The following ZNF618 variants were observed in gnomAD, a reference collection of about 807,000 sequenced individuals.
The protein encoded by ZNF618 is neural precursor cell expressed, developmentally down-regulated 10.
A neutral mutation model predicts 103.0 loss-of-function variants in ZNF618; 34 were observed. The observed-to-expected ratio is 0.33, with a 90% CI of 0.25 to 0.44. ZNF618 has a LOEUF of 0.44. ZNF618 is among the 20% of genes least tolerant of loss of function. The pLI is 1.00. For missense variants in ZNF618, 1,059 were observed against 1,295.4 expected (o/e 0.82, Z 2.80); for synonymous variants, 551 against 542.2 (o/e 1.02, Z -0.23).
At chr9:113,968,465 C>G (rs1048639339) in intron 1 of ZNF618, among the ~76,000 whole-genome samples, 1 of 152,128 alleles carries the variant, frequency 6.6e-6, no homozygotes, top group African/African-American at 2.4e-5. Flanking sequence ...CTCTGTCAGC[C>G]TCTGCATTGA....
At chr9:113,949,841 T>A (rs1269067486) in intron 1 of ZNF618, among the ~76,000 whole-genome samples, 1 of 152,214 alleles carries the variant, frequency 6.6e-6, no homozygotes, top group South Asian at 2.1e-4. Context: ...AAAATCAATT[T>A]CCAGCGAAGT....
chr9:113,893,806 T>C (rs1829812520), intron 1 of ZNF618, among the ~76,000 whole-genome samples: 1 of 152,178 alleles, frequency 6.6e-6, no homozygotes, highest in Admixed American at 6.5e-5. Context: ...TTTGATACAG[T>C]CCCAACGAGA....
intron 1 of ZNF618, among the ~76,000 whole-genome samples, chr9:113,967,886 G>T (rs1172821426): frequency 6.6e-6 from 1 of 152,082 alleles, no homozygotes; most frequent in African/African-American, 2.4e-5. Flanking sequence ...AGGTATCATG[G>T]GGTTATCCAG....
At chr9:113,917,636 G>A (rs1450986509) in intron 1 of ZNF618, among the ~76,000 whole-genome samples, 1 of 151,900 alleles carries the variant, frequency 6.6e-6, no homozygotes, top group Non-Finnish European at 1.5e-5. Flanking sequence ...TCATAGTACT[G>A]GTAATCATCT....
At chr9:113,905,134 G>C (rs1830876270) in intron 1 of ZNF618, among the ~76,000 whole-genome samples, 1 of 152,060 alleles carries the variant, frequency 6.6e-6, no homozygotes. Flanking sequence ...CAGTGGCATA[G>C]TCTTGGCTTA....
chr9:113,906,167 G>A (rs1458463150), intron 1 of ZNF618, among the ~76,000 whole-genome samples: 1 of 152,056 alleles, frequency 6.6e-6, no homozygotes, highest in Non-Finnish European at 1.5e-5. Context: ...GGCATTGTGG[G>A]GTCATAGACT....
Position 114,044,935 on chromosome 9 carries a change from C to T in ZNF618, c.1247-2958C>T, listed in dbSNP as rs142994739. Among the ~76,000 whole-genome samples, 424 of 152,070 alleles carry T rather than the reference C, an allele frequency of 2.8e-3. 1 individual carries two copies. Among genetic ancestry groups the T allele is most frequent in the African/African-American group, 9.8e-3 (405 of 41,484 alleles). On this transcript the variant is annotated intron_variant, in intron 13 of 14. Transcript: ENST00000374126. ...GATTTGTGTACATTGATTTTGTATC[C>T]TGAAACTTTACTGAATTCATTAATC...
chr9:113,916,531 G>T (rs1191614425), intron 1 of ZNF618, among the ~76,000 whole-genome samples: 1 of 152,192 alleles, frequency 6.6e-6, no homozygotes, highest in Non-Finnish European at 1.5e-5. Flanking sequence ...GAGCTGTCCC[G>T]TGGAAAGGGA....
chr9:113,988,725 T>A (rs1886129), intron 3 of ZNF618, 145 bp downstream of exon 3: 2 of 1,253,372 alleles, frequency 1.6e-6, no homozygotes, highest in East Asian at 2.6e-5. Context: ...GGGAGAGATC[T>A]CAGCTTCTTA....
intron 14 of ZNF618, 38 bp downstream of exon 14, chr9:114,048,032 C>T (rs146111883): frequency 2.0e-6 from 3 of 1,511,654 alleles, no homozygotes; most frequent in Non-Finnish European, 2.7e-6. Flanking sequence ...TGAGGGTCCC[C>T]TTATGCTCCA....
At chr9:113,879,480 G>A (rs934165963) in intron 1 of ZNF618, among the ~76,000 whole-genome samples, 11 of 149,974 alleles carry the variant, frequency 7.3e-5, no homozygotes, top group African/African-American at 9.8e-5. Context: ...TATTGGGGGC[G>A]GGGCCAGTTT....
chr9:114,018,515 G>A (rs935438484), intron 10 of ZNF618, among the ~76,000 whole-genome samples: 9 of 152,208 alleles, frequency 5.9e-5, no homozygotes, highest in Non-Finnish European at 1.3e-4. Context: ...GTGCTTCCTG[G>A]GACAAGTTGA....
chr9:113,876,828 C>T (rs1490447049), intron 1 of ZNF618, among the ~76,000 whole-genome samples: 3 of 150,504 alleles, frequency 2.0e-5, no homozygotes, highest in African/African-American at 7.3e-5. Flanking sequence ...CCCGATGACC[C>T]CCCGGGAGGT....
In ZNF618 at chr9:114,033,472, A is replaced by G. The variant is rs141401837; in HGVS notation, c.1168+744A>G. On this transcript the variant is annotated intron_variant, in intron 12 of 14. Coordinates refer to ENST00000374126, the MANE Select transcript of ZNF618 (RefSeq NM_001318042.2). ...CTGGTCTCATTTTGGCCCTGGAGCC[A>G]CTGGAACGAAGATTCCCTTCCAGCC... Among the ~76,000 whole-genome samples the G allele has an allele frequency of 2.4e-3, 360 of 152,126 alleles. 6 individuals are homozygous for G. The East Asian group carries it at 0.041, about 17-fold the overall frequency.
intron 1 of ZNF618, among the ~76,000 whole-genome samples, chr9:113,955,091 G>A (rs1836142491): frequency 6.6e-6 from 1 of 150,794 alleles, no homozygotes; most frequent in Admixed American, 6.6e-5. Flanking sequence ...CATCACCTGT[G>A]TTCTCAAATC....
intron 3 of ZNF618, among the ~76,000 whole-genome samples, chr9:113,996,660 A>C (rs183461550): frequency 5.3e-5 from 8 of 152,290 alleles, no homozygotes; most frequent in Non-Finnish European, 8.8e-5. Context: ...CACTTGTGAT[A>C]GCAGGAATGG....
intron 1 of ZNF618, among the ~76,000 whole-genome samples, chr9:113,951,867 TG>T (rs1835812593): frequency 6.6e-6 from 1 of 152,176 alleles, no homozygotes; most frequent in South Asian, 2.1e-4. Context: ...CGTTTCCCTT[TG>T]GGCAGATGGG....
intron 13 of ZNF618, among the ~76,000 whole-genome samples, chr9:114,041,724 T>G (rs1443916896): frequency 2.0e-5 from 3 of 152,238 alleles, no homozygotes; most frequent in Non-Finnish European, 4.4e-5. Context: ...CTGTTTTGGT[T>G]ACTGTAGCCT....
At chr9:113,997,568 T>G (rs1303420336) in intron 3 of ZNF618, among the ~76,000 whole-genome samples, 3 of 152,194 alleles carry the variant, frequency 2.0e-5, no homozygotes, top group Non-Finnish European at 4.4e-5. Context: ...GAGGATGAAC[T>G]GAGCTGGTGT....
Sources: gnomAD v4.1 joint callset for allele counts (sites outside exome capture counted in the v4.1 genomes callset) on GRCh38, gnomAD v4.1.1 for gene constraint, MANE v1.5 for transcripts, NCBI Gene and HGNC (gene_info 2026-07-23, HGNC 2026-07-21) for gene names.